SYNDIG1: variants seen among roughly 807,000 people sequenced by gnomAD.
The protein encoded by SYNDIG1 is synapse differentiation-inducing gene protein 1.
Under a neutral mutation model 19.4 loss-of-function variants are expected in SYNDIG1, and 9 were observed. The ratio of observed to expected loss-of-function variants is 0.46; its 90% CI spans 0.28 to 0.81. The LOEUF (loss-of-function observed/expected upper bound fraction) is 0.81, where lower values mean the gene tolerates loss of function less well. Among genes scored for constraint, SYNDIG1 ranks in the 30% least tolerant of loss-of-function variants. The probability of loss-of-function intolerance (pLI) is 0.12; values close to 1 mark genes in which losing one functional copy is unlikely to be tolerated. For missense variants in SYNDIG1, 311 were observed against 343.3 expected, an observed-to-expected ratio of 0.91 and a Z score of 0.74; for synonymous variants, 141 against 145.9, an observed-to-expected ratio of 0.97 and a Z score of 0.24.
At chr20:24,575,630 A>C (rs918601452) in intron 2 of SYNDIG1, among the ~76,000 whole-genome samples, 2 of 152,072 alleles carry the variant, frequency 1.3e-5, no homozygotes, top group Non-Finnish European at 2.9e-5. Context: ...AGGTTAATAT[A>C]TTTTTCTGTA....
chr20:24,536,712 A>G lies in SYNDIG1; in HGVS notation c.-78-6308A>G, dbSNP rs568000988. Among the ~76,000 whole-genome samples the G allele has an allele frequency of 4.6e-5, 7 of 152,320 alleles. No homozygotes were observed. In the South Asian group the frequency reaches 1.2e-3, roughly 27 times the overall value. ...ACTTTCATTCATCACTCCTACTGCCAGCATGGTCTCAGGCCCCCCATGTCT... is the reference window on the plus strand; with the variant it reads ...ACTTTCATTCATCACTCCTACTGCCGGCATGGTCTCAGGCCCCCCATGTCT... On this transcript the variant is annotated intron_variant, in intron 1 of 3. Transcript: ENST00000376862.
chr20:24,559,469 A>G (rs975063369), intron 2 of SYNDIG1, among the ~76,000 whole-genome samples: 3 of 152,240 alleles, frequency 2.0e-5, no homozygotes, highest in East Asian at 1.9e-4. Context: ...AAAAAGATCT[A>G]TAAGCCTTAA....
chr20:24,637,833 T>C (rs1172006868), intron 3 of SYNDIG1, among the ~76,000 whole-genome samples: 3 of 152,184 alleles, frequency 2.0e-5, no homozygotes, highest in African/African-American at 7.2e-5. Flanking sequence ...CTGGCTCCCT[T>C]CGAGTCTCCC....
chr20:24,595,220 A>C (rs1488183411), intron 3 of SYNDIG1, among the ~76,000 whole-genome samples: 2 of 152,168 alleles, frequency 1.3e-5, no homozygotes, highest in Non-Finnish European at 2.9e-5. Context: ...TTTAATATGA[A>C]AGGATGCTGA....
intron 1 of SYNDIG1, among the ~76,000 whole-genome samples, chr20:24,525,187 G>A (rs952711573): frequency 2.0e-5 from 3 of 151,364 alleles, no homozygotes; most frequent in South Asian, 2.1e-4. Context: ...CTAAATGAAC[G>A]TGGTTTTTAT....
At chr20:24,601,244 T>G (rs888243516) in intron 3 of SYNDIG1, among the ~76,000 whole-genome samples, 2 of 152,210 alleles carry the variant, frequency 1.3e-5, no homozygotes, top group African/African-American at 4.8e-5. Flanking sequence ...CTTAACATTT[T>G]TGTGTTTCTG....
chr20:24,541,387 T>C (rs2057465930), intron 1 of SYNDIG1, among the ~76,000 whole-genome samples: 1 of 152,232 alleles, frequency 6.6e-6, no homozygotes, highest in Non-Finnish European at 1.5e-5. Context: ...TGGTTAGCTG[T>C]GCATGTTAGT....
At chr20:24,634,376 C>G (rs1391200602) in intron 3 of SYNDIG1, among the ~76,000 whole-genome samples, 3 of 152,194 alleles carry the variant, frequency 2.0e-5, no homozygotes, top group Non-Finnish European at 4.4e-5. Context: ...TTCAACTTCT[C>G]CTTTTGCAAA....
At chr20:24,560,836 C>T (rs1480483860) in intron 2 of SYNDIG1, among the ~76,000 whole-genome samples, 2 of 150,598 alleles carry the variant, frequency 1.3e-5, no homozygotes, top group African/African-American at 2.4e-5. Flanking sequence ...CTGATTTTTA[C>T]CCCTAAGGTT....
intron 2 of SYNDIG1, among the ~76,000 whole-genome samples, chr20:24,574,873 G>A (rs1482315389): frequency 6.6e-6 from 1 of 152,162 alleles, no homozygotes; most frequent in African/African-American, 2.4e-5. Flanking sequence ...AGATCCCTAG[G>A]GCCGTCGTTA....
At chr20:24,576,463 G>A (rs868861060) in intron 2 of SYNDIG1, among the ~76,000 whole-genome samples, 7 of 152,304 alleles carry the variant, frequency 4.6e-5, no homozygotes, top group Middle Eastern at 6.8e-3. Flanking sequence ...GGGCTGTTGC[G>A]ATGTGTGATG....
intron 3 of SYNDIG1, among the ~76,000 whole-genome samples, chr20:24,633,082 C>T (rs1359356407): frequency 6.6e-6 from 1 of 152,002 alleles, no homozygotes; most frequent in African/African-American, 2.4e-5. Flanking sequence ...AAATCAGAGG[C>T]GATGGGCAGA....
chr20:24,602,350 C>T (rs1465687092), intron 3 of SYNDIG1, among the ~76,000 whole-genome samples: 1 of 152,212 alleles, frequency 6.6e-6, no homozygotes, highest in Non-Finnish European at 1.5e-5. Context: ...GCACATACGG[C>T]ACAAAAAATT....
intron 3 of SYNDIG1, among the ~76,000 whole-genome samples, chr20:24,630,584 G>T (rs1253353660): frequency 1.3e-5 from 2 of 152,224 alleles, no homozygotes; most frequent in Non-Finnish European, 2.9e-5. Flanking sequence ...GGTTCACCAG[G>T]CAGGTCCATG....
At position 24,534,599 on chromosome 20, in the gene SYNDIG1, C is replaced by CTGTGTTTCTTCCTTCAAGGCAGCTT. The variant is rs1021990528; in HGVS notation, c.-78-8417_-78-8393dup. On this transcript the variant is annotated intron_variant, in intron 1 of 3. Transcript: ENST00000376862. ...GCGGGTCTTCACAGGAGATTGTGCC[C>CTGTGTTTCTTCCTTCAAGGCAGCTT]TGTGTTTCTTCCTTCAAGGCAGCTT... is the stretch of plus-strand genomic sequence containing the variant. Among the ~76,000 whole-genome samples the CTGTGTTTCTTCCTTCAAGGCAGCTT allele has an allele frequency of 2.0e-4, 30 of 152,228 alleles. 2 individuals carry two copies. Among genetic ancestry groups the CTGTGTTTCTTCCTTCAAGGCAGCTT allele is most frequent in the Non-Finnish European group, 1.5e-5 (1 of 68,046 alleles).
chr20:24,646,423 A>G (rs1196970431), intron 3 of SYNDIG1, among the ~76,000 whole-genome samples: 1 of 152,184 alleles, frequency 6.6e-6, no homozygotes. Context: ...TCTCACGAGT[A>G]GATGAATTCC....
chr20:24,601,606 C>A (rs1184883185), intron 3 of SYNDIG1, among the ~76,000 whole-genome samples: 3 of 151,952 alleles, frequency 2.0e-5, no homozygotes, highest in African/African-American at 7.2e-5. Context: ...TGAATTTGGG[C>A]CTTTAAGAAC....
At chr20:24,534,654 T>C (rs2057327124) in intron 1 of SYNDIG1, among the ~76,000 whole-genome samples, 1 of 152,226 alleles carries the variant, frequency 6.6e-6, no homozygotes, top group Non-Finnish European at 1.5e-5. Context: ...ACGTTGGCGC[T>C]CATTCAAAAA....
At chr20:24,484,400 T>C (rs766157455) in intron 1 of SYNDIG1, among the ~76,000 whole-genome samples, 27 of 152,120 alleles carry the variant, frequency 1.8e-4, no homozygotes, top group Non-Finnish European at 3.7e-4. Context: ...GGTATTAAAC[T>C]TCGTAAAAGG....
Sources: allele counts gnomAD v4.1 joint callset (sites outside exome capture counted in the v4.1 genomes callset), GRCh38; gene constraint gnomAD v4.1.1; transcripts MANE v1.5; gene names NCBI Gene and HGNC (gene_info 2026-07-23, HGNC 2026-07-21).